Variants in IL17RD observed in about 807,000 individuals in gnomAD.
IL17RD encodes interleukin-17 receptor D.
IL17RD carries 52 observed loss-of-function variants against 80.5 expected under a neutral mutation model. The ratio of observed to expected loss-of-function variants is 0.65; its 90% CI spans 0.52 to 0.81. The LOEUF (loss-of-function observed/expected upper bound fraction) is 0.81. Among genes scored for constraint, IL17RD ranks in the 40% least tolerant of loss-of-function variants. The probability of loss-of-function intolerance (pLI) is 0.00; values close to 1 mark genes in which losing one functional copy is unlikely to be tolerated. For synonymous variants in IL17RD, 416 were observed against 391.8 expected (o/e 1.06, Z -0.73); for missense variants, 1,024 against 955.1 (o/e 1.07, Z -0.95).
At chr3:57,129,242 C>A (rs1707557113) in intron 1 of IL17RD, among the ~76,000 whole-genome samples, 1 of 152,184 alleles carries the variant, frequency 6.6e-6, no homozygotes, top group South Asian at 2.1e-4. Flanking sequence ...ACCCACCCAG[C>A]AAATCGGCTA....
At chr3:57,151,936 G>A (rs1391538480) in intron 1 of IL17RD, among the ~76,000 whole-genome samples, 2 of 152,108 alleles carry the variant, frequency 1.3e-5, no homozygotes, top group African/African-American at 2.4e-5. Flanking sequence ...TCAAAGTCTA[G>A]GCTTGTTTAG....
Position 57,105,854 on chromosome 3 carries a change from C to T in IL17RD, c.747+3G>A, listed in dbSNP as rs1559468655. 2 of 1,613,018 alleles carry T rather than the reference C, an allele frequency of 1.2e-6. No individual in the cohort carries two copies. Among genetic ancestry groups the T allele is most frequent in the Admixed American group, 1.7e-5 (1 of 59,986 alleles). On this transcript the variant is annotated splice_donor_region_variant and intron_variant, in intron 7 of 12. Coordinates refer to ENST00000296318, the MANE Select transcript of IL17RD (RefSeq NM_017563.5). ...GTTCCTTTATATACACCCAGCAGCT[C>T]ACCTGCTTACAGGTCTTTCGCTTGA...
intron 1 of IL17RD, among the ~76,000 whole-genome samples, chr3:57,157,329 G>A (rs1172442851): frequency 2.0e-5 from 3 of 152,114 alleles, no homozygotes; most frequent in Admixed American, 6.5e-5. Context: ...GAGAGGACGG[G>A]GAGTGCTCGG....
At chr3:57,116,676 T>C (rs1466293937) in intron 2 of IL17RD, among the ~76,000 whole-genome samples, 1 of 152,168 alleles carries the variant, frequency 6.6e-6, no homozygotes, top group Non-Finnish European at 1.5e-5. Context: ...GCAATCAACA[T>C]ATGTTCTCTG....
At chr3:57,134,381 G>A in intron 1 of IL17RD, 1 of 698,982 alleles carries the variant, frequency 1.4e-6, no homozygotes. Flanking sequence ...GTAAGCGAAA[G>A]GGTACAGCCA....
At position 57,094,400 on chromosome 3, in the gene IL17RD, AC is replaced by A. The variant is rs1233554300; in HGVS notation, c.*1992del. The stretch of plus-strand genomic sequence containing the variant: ...AAAACATCCCGATTTTTTAACTAGC[AC>A]TCTCTTTTTCTCTTCCATTTTCTTA... On this transcript the variant is annotated 3_prime_UTR_variant, in exon 13 of 13. Coordinates refer to ENST00000296318, the MANE Select transcript of IL17RD (RefSeq NM_017563.5). The A allele has an allele frequency of 6.6e-6, 1 of 151,898 alleles. No homozygotes were observed. Among genetic ancestry groups the A allele is most frequent in the Non-Finnish European group, 1.5e-5 (1 of 67,970 alleles). The allele number at this position is 151,898 out of a possible 1,614,324, so 9.4% of individuals were successfully genotyped here. A position where few individuals can be genotyped will look rare whatever the true frequency, so the allele number is the denominator to read the frequency against.
intron 1 of IL17RD, among the ~76,000 whole-genome samples, chr3:57,154,913 C>T (rs569239543): frequency 6.6e-6 from 1 of 152,244 alleles, no homozygotes; most frequent in East Asian, 1.9e-4. Context: ...TTCCCACAGT[C>T]TCCCACAAAA....
intron 1 of IL17RD, among the ~76,000 whole-genome samples, chr3:57,159,782 T>C (rs2060291349): frequency 6.6e-6 from 1 of 152,244 alleles, no homozygotes; most frequent in East Asian, 1.9e-4. Context: ...AGCTCCCTGA[T>C]AGCTGAGCCC....
At chr3:57,110,834 T>C (rs1707080111) in intron 3 of IL17RD, among the ~76,000 whole-genome samples, 1 of 152,202 alleles carries the variant, frequency 6.6e-6, no homozygotes, top group South Asian at 2.1e-4. Context: ...TTAAATAGCT[T>C]AGGGGAATGC....
At chr3:57,119,844 A>T (rs1411307753) in intron 2 of IL17RD, among the ~76,000 whole-genome samples, 1 of 152,240 alleles carries the variant, frequency 6.6e-6, no homozygotes, top group East Asian at 1.9e-4. Flanking sequence ...TGGCCACCAT[A>T]TTTGGAATTA....
At chr3:57,128,294 A>C (rs1401062677) in intron 1 of IL17RD, among the ~76,000 whole-genome samples, 3 of 152,174 alleles carry the variant, frequency 2.0e-5, no homozygotes, top group African/African-American at 7.2e-5. Flanking sequence ...GGAAGTAGGA[A>C]ATCACTACTC....
intron 1 of IL17RD, among the ~76,000 whole-genome samples, chr3:57,133,671 C>T (rs963612306): frequency 2.6e-5 from 4 of 152,222 alleles, no homozygotes; most frequent in Non-Finnish European, 4.4e-5. Flanking sequence ...TCTCCCTGCA[C>T]TCCCTCTCCA....
At chr3:57,158,319 C>T (rs2060281882) in intron 1 of IL17RD, among the ~76,000 whole-genome samples, 1 of 152,166 alleles carries the variant, frequency 6.6e-6, no homozygotes, top group Non-Finnish European at 1.5e-5. Context: ...CATCTACTGC[C>T]CTTTCAAGTC....
At chr3:57,162,720 G>A (rs572737753) in intron 1 of IL17RD, among the ~76,000 whole-genome samples, 93 of 152,320 alleles carry the variant, frequency 6.1e-4, no homozygotes, top group Non-Finnish European at 1.2e-3. Flanking sequence ...GGATTTAGCA[G>A]GAAGGCAGCA....
At chr3:57,104,695 C>T (rs138243889) in intron 7 of IL17RD, among the ~76,000 whole-genome samples, 107 of 152,284 alleles carry the variant, frequency 7.0e-4, no homozygotes, top group African/African-American at 2.5e-3. Context: ...TTTGAACAAC[C>T]TTTACTTAAT....
At chr3:57,098,698 A>G (rs888403834) in intron 11 of IL17RD, among the ~76,000 whole-genome samples, 160 bp from the exon 12 acceptor site, 2 of 152,230 alleles carry the variant, frequency 1.3e-5, no homozygotes, top group African/African-American at 4.8e-5. Context: ...CATACCAAGG[A>G]ACAGCTAAAG....
intron 1 of IL17RD, among the ~76,000 whole-genome samples, chr3:57,127,413 T>TA (rs1491388109): frequency 0.047 from 3,104 of 66,056 alleles, 359 homozygotes; most frequent in Non-Finnish European, 0.057. Context: ...TATATATATA[T>TA]TTTTTTTTTG....
At chr3:57,163,297 G>A (rs982721205) in intron 1 of IL17RD, among the ~76,000 whole-genome samples, 2 of 152,144 alleles carry the variant, frequency 1.3e-5, no homozygotes, top group African/African-American at 4.8e-5. Context: ...CCCCAACTAG[G>A]GGCTGTGGTG....
intron 1 of IL17RD, among the ~76,000 whole-genome samples, chr3:57,143,139 G>C (rs1707861855): frequency 6.6e-6 from 1 of 152,188 alleles, no homozygotes; most frequent in Admixed American, 6.5e-5. Flanking sequence ...TCAAAGTAGA[G>C]AGCAGCTGCT....
Sources: allele counts gnomAD v4.1 joint callset (sites outside exome capture counted in the v4.1 genomes callset), GRCh38; gene constraint gnomAD v4.1.1; transcripts MANE v1.5; gene names NCBI Gene and HGNC (gene_info 2026-07-23, HGNC 2026-07-21).